The following OR11A1 variants were observed in gnomAD, a reference collection of about 807,000 sequenced individuals.
OR11A1 encodes olfactory receptor 11A1.
For synonymous variants in OR11A1, 158 were observed against 152.2 expected, an observed-to-expected ratio of 1.04 and a Z score of -0.28; for missense variants, 380 against 378.2, an observed-to-expected ratio of 1.00 and a Z score of -0.04.
intron 1 of OR11A1, among the ~76,000 whole-genome samples, chr6:29,442,579 G>T (rs1399937268): frequency 6.6e-6 from 1 of 152,176 alleles, no homozygotes; most frequent in Non-Finnish European, 1.5e-5. Context: ...GTCCTGTTAA[G>T]AAAGCACTGA....
At position 29,427,726 on chromosome 6, in the gene OR11A1, A is replaced by G; in HGVS notation, c.-85T>C. 6.7e-7 allele frequency: 1 copy of G among 1,488,310 alleles called. No individual in the cohort carries two copies. Among genetic ancestry groups the G allele is most frequent in the Non-Finnish European group, 8.9e-7 (1 of 1,121,390 alleles). 92.2% of individuals were successfully genotyped at this position (1,488,310 alleles called of 1,614,324 possible). A position where few individuals can be genotyped will look rare whatever the true frequency, so the allele number is the denominator to read the frequency against. On this transcript the variant is annotated 5_prime_UTR_variant, in exon 5 of 5. Coordinates refer to ENST00000377149, the MANE Select transcript of OR11A1 (RefSeq NM_001394828.1). ...CATCTTCTATACCAAGCCTAACGTT[A>G]TTAGAGCTAAAACAAAACAAAACAA... is the stretch of plus-strand genomic sequence containing the variant.
intron 1 of OR11A1, among the ~76,000 whole-genome samples, chr6:29,441,312 C>T (rs1732514387): frequency 6.6e-6 from 1 of 152,178 alleles, no homozygotes; most frequent in Non-Finnish European, 1.5e-5. Context: ...GACATTTGTA[C>T]GTCCTAGGTA....
intron 1 of OR11A1, among the ~76,000 whole-genome samples, chr6:29,442,341 G>C (rs1294553028): frequency 6.6e-6 from 1 of 152,120 alleles, no homozygotes; most frequent in Non-Finnish European, 1.5e-5. Context: ...GTGAACTGCA[G>C]AACAAATAAG....
rs976442381 is a variant in OR11A1, at chr6:29,426,587, T to A, written c.*107A>T. ...ATTTTTAGTATAACTGCAGAAGAGTTCAAAGAGAATGGTCGAATAAGACAA... is the reference window on the plus strand; with the variant it reads ...ATTTTTAGTATAACTGCAGAAGAGTACAAAGAGAATGGTCGAATAAGACAA... On this transcript the variant is annotated 3_prime_UTR_variant, in exon 5 of 5. Transcript: ENST00000377149. 5.3e-5 allele frequency: 42 copies of A among 792,892 alleles called. 1 individual carries two copies. Among genetic ancestry groups the A allele is most frequent in the African/African-American group, 4.9e-4 (28 of 57,698 alleles). The allele number at this position is 792,892 out of a possible 1,614,324, so 49.1% of individuals were successfully genotyped here.
chr6:29,441,594 ATT>A (rs1784199119), intron 1 of OR11A1, among the ~76,000 whole-genome samples: 1 of 152,142 alleles, frequency 6.6e-6, no homozygotes, highest in African/African-American at 2.4e-5. Context: ...CTGAGCCTTA[ATT>A]TTTTTAAATT....
intron 4 of OR11A1, among the ~76,000 whole-genome samples, chr6:29,428,650 G>A (rs1190313362): frequency 6.6e-6 from 1 of 151,382 alleles, no homozygotes; most frequent in African/African-American, 2.4e-5. Context: ...CCAGCTACTC[G>A]GGATGCCGAG....
intron 1 of OR11A1, among the ~76,000 whole-genome samples, chr6:29,432,237 G>C (rs972226403): frequency 6.6e-6 from 1 of 152,128 alleles, no homozygotes; most frequent in Non-Finnish European, 1.5e-5. Flanking sequence ...TAAGGAAATT[G>C]TATTTTTTCA....
rs1784062301 is a variant in OR11A1 at position 29,440,570 on chromosome 6, G to T, written c.-388-8583C>A. 2.5e-6 allele frequency: 4 copies of T among 1,613,982 alleles called. No homozygotes were observed. The highest frequency in any genetic ancestry group is 3.4e-6 in the Non-Finnish European group (4 of 1,180,016). ...TCTGTGAGATCCAGCCTGTCCTGCAGCTGGTATGTGGAGACACCTCGCTTA... is the reference window on the plus strand; with the variant it reads ...TCTGTGAGATCCAGCCTGTCCTGCATCTGGTATGTGGAGACACCTCGCTTA... On this transcript the variant is annotated intron_variant, in intron 1 of 4. Coordinates refer to ENST00000377149, the MANE Select transcript of OR11A1 (RefSeq NM_001394828.1).
At chr6:29,448,010 CT>C (rs9280602) in intron 1 of OR11A1, among the ~76,000 whole-genome samples, 4,078 of 79,880 alleles carry the variant, frequency 0.051, 72 homozygotes, top group African/African-American at 0.12. Context: ...ATGACCCTTT[CT>C]TTTTTTTTTT....
chr6:29,455,264 A>G (rs1320331670), intron 1 of OR11A1, among the ~76,000 whole-genome samples: 1 of 152,204 alleles, frequency 6.6e-6, no homozygotes, highest in African/African-American at 2.4e-5. Flanking sequence ...CATTTATTTG[A>G]CAAAGGACTT....
intron 4 of OR11A1, chr6:29,428,495 C>A (rs892214383): frequency 2.8e-5 from 18 of 652,280 alleles, no homozygotes; most frequent in African/African-American, 3.9e-5. Context: ...GTGGCTCACG[C>A]CTGTAATCCC....
In OR11A1 at chr6:29,453,031, T is replaced by C. The variant is rs188071724; in HGVS notation, c.-389+3956A>G. Among the ~76,000 whole-genome samples, 991 of 151,638 alleles carry C rather than the reference T, an allele frequency of 6.5e-3. 9 individuals are homozygous for C. The highest frequency in any genetic ancestry group is 9.8e-3 in the Non-Finnish European group (662 of 67,816). On this transcript the variant is annotated intron_variant, in intron 1 of 4. Coordinates refer to ENST00000377149, the MANE Select transcript of OR11A1 (RefSeq NM_001394828.1). The surrounding 1 kb of genome is among the most constrained non-coding windows in gnomAD (Gnocchi z 4.5). ...ATTATTATCAGATTTTTATATTCTA[T>C]GTTAAAGGTATTGTATTAAGTCAGA...
At chr6:29,443,733 C>T (rs1784435893) in intron 1 of OR11A1, among the ~76,000 whole-genome samples, 2 of 152,126 alleles carry the variant, frequency 1.3e-5, no homozygotes, top group African/African-American at 2.4e-5. Context: ...AATCACTTTT[C>T]CTCTTAACAT....
rs12526241 is a variant in OR11A1 at position 29,444,796 on chromosome 6, C to T, written c.-389+12191G>A. 4.2e-3 allele frequency among the ~76,000 whole-genome samples: 640 copies of T among 152,260 alleles called. 6 individuals carry two copies. The highest frequency in any genetic ancestry group is 0.014 in the African/African-American group (601 of 41,556). On this transcript the variant is annotated intron_variant, in intron 1 of 4. Coordinates refer to ENST00000377149, the MANE Select transcript of OR11A1 (RefSeq NM_001394828.1). ...TCTTCCCCCACTGTATTCTACCTTC[C>T]TGAACCTCACATCTCCCTTACTCAC...
At chr6:29,446,435 G>A (rs954283455) in intron 1 of OR11A1, among the ~76,000 whole-genome samples, 1 of 152,106 alleles carries the variant, frequency 6.6e-6, no homozygotes, top group Non-Finnish European at 1.5e-5. Flanking sequence ...TTTTCTGGAT[G>A]TTTCCTCTCC....
In OR11A1 at chr6:29,427,707, C is replaced by T; in HGVS notation, c.-66G>A. On this transcript the variant is annotated 5_prime_UTR_variant, in exon 5 of 5. Coordinates refer to ENST00000377149, the MANE Select transcript of OR11A1 (RefSeq NM_001394828.1). The stretch of plus-strand genomic sequence containing the variant: ...AAATTTTAGCATGTCTCTGCATCTT[C>T]TATACCAAGCCTAACGTTATTAGAG... 2 of 1,533,814 alleles carry T rather than the reference C, an allele frequency of 1.3e-6. No homozygotes were observed. The highest frequency in any genetic ancestry group is 2.0e-5 in the Admixed American group (1 of 48,966).
chr6:29,451,517 T>G (rs995967226), intron 1 of OR11A1, among the ~76,000 whole-genome samples: 1 of 152,054 alleles, frequency 6.6e-6, no homozygotes, highest in Non-Finnish European at 1.5e-5. Flanking sequence ...TTTTTTTAAA[T>G]GGGCAAAGGA....
chr6:29,429,459 G>A (rs543863708), intron 3 of OR11A1, among the ~76,000 whole-genome samples: 3 of 152,212 alleles, frequency 2.0e-5, no homozygotes, highest in South Asian at 2.1e-4. Context: ...AACAAAACTG[G>A]TCCATACTCT....
intron 1 of OR11A1, chr6:29,440,713 GC>G (rs2151381034): frequency 1.2e-6 from 2 of 1,613,782 alleles, no homozygotes; most frequent in East Asian, 4.5e-5. Context: ...GTTGCGGGCC[GC>G]CGCAAGGCCT....
Sources: gnomAD v4.1 joint callset for allele counts (sites outside exome capture counted in the v4.1 genomes callset) on GRCh38, gnomAD v4.1.1 for gene constraint, Gnocchi (gnomAD v3.1) non-coding constraint, MANE v1.5 for transcripts, NCBI Gene and HGNC (gene_info 2026-07-23, HGNC 2026-07-21) for gene names.